MIPEP: variants seen among roughly 807,000 people sequenced by gnomAD.
The protein encoded by MIPEP is mitochondrial intermediate peptidase.
MIPEP carries 79 observed loss-of-function variants against 90.3 expected under a neutral mutation model. The observed-to-expected ratio is 0.87, with a 90% CI of 0.73 to 1.05. The LOEUF (loss-of-function observed/expected upper bound fraction) is 1.05. MIPEP is among the 50% of genes least tolerant of loss of function. The pLI is 0.00. For missense variants in MIPEP, 940 were observed against 905.6 expected (o/e 1.04, Z -0.49); for synonymous variants, 334 against 315.8 (o/e 1.06, Z -0.61).
intron 16 of MIPEP, among the ~76,000 whole-genome samples, chr13:23,768,265 A>G (rs1012911950): frequency 2.6e-5 from 4 of 152,182 alleles, no homozygotes; most frequent in Admixed American, 2.6e-4. Flanking sequence ...ACCAAAACTG[A>G]TGTCTATGCC....
rs1012969145 is a variant in MIPEP, at chr13:23,877,993, G to T, written c.539+1275C>A. ...CTATTGGCATTTTTAATAATATCTAGAAATGTGGTATGTATCCTATCACTA... is the reference window on the plus strand; with the variant it reads ...CTATTGGCATTTTTAATAATATCTATAAATGTGGTATGTATCCTATCACTA... On this transcript the variant is annotated intron_variant, in intron 4 of 18. Coordinates refer to ENST00000382172, the MANE Select transcript of MIPEP (RefSeq NM_005932.4). 5.7e-4 allele frequency among the ~76,000 whole-genome samples: 87 copies of T among 151,882 alleles called. 1 individual carries two copies. The highest frequency in any genetic ancestry group is 3.9e-4 in the Admixed American group (6 of 15,244).
At chr13:23,862,492 A>C in intron 8 of MIPEP, 130 bp from the exon 9 acceptor site, 2 of 576,856 alleles carry the variant, frequency 3.5e-6, no homozygotes, top group South Asian at 4.9e-5. Context: ...CACATAAATC[A>C]CTATTAATCC....
intron 17 of MIPEP, 128 bp from the exon 18 acceptor site, chr13:23,756,746 C>T (rs976672620): frequency 8.9e-5 from 74 of 827,008 alleles, no homozygotes; most frequent in Non-Finnish European, 1.3e-4. Flanking sequence ...CAATTTGGCC[C>T]CTATTTTCTT....
chr13:23,742,892 G>A (rs9510838), intron 18 of MIPEP, among the ~76,000 whole-genome samples: 4 of 152,150 alleles, frequency 2.6e-5, no homozygotes, highest in African/African-American at 7.2e-5. Flanking sequence ...CCACAGCATT[G>A]TAAGTGTAGG....
chr13:23,862,395 C>T, intron 8 of MIPEP, 33 bp from the exon 9 acceptor site: 1 of 1,277,508 alleles, frequency 7.8e-7, no homozygotes, highest in African/African-American at 1.5e-5. Context: ...CTTGTTAGGA[C>T]AAAATTTTAA....
At chr13:23,834,531 G>T (rs985529271) in intron 14 of MIPEP, among the ~76,000 whole-genome samples, 12 of 152,252 alleles carry the variant, frequency 7.9e-5, no homozygotes, top group African/African-American at 2.9e-4. Context: ...TTTCTTGGAT[G>T]CTGAGAATGC....
intron 10 of MIPEP, among the ~76,000 whole-genome samples, chr13:23,846,022 C>T (rs9553078): frequency 0.11 from 16,830 of 151,576 alleles, 1,030 homozygotes; most frequent in East Asian, 0.21. Context: ...TCAAGCGATT[C>T]TCCTGCCTCC....
intron 10 of MIPEP, among the ~76,000 whole-genome samples, chr13:23,847,838 T>C (rs755698544): frequency 6.6e-6 from 1 of 151,044 alleles, no homozygotes; most frequent in Non-Finnish European, 1.5e-5. Flanking sequence ...AGATCTATAG[T>C]GGTTTGAGAT....
intron 16 of MIPEP, among the ~76,000 whole-genome samples, chr13:23,793,728 C>A (rs1952925213): frequency 6.6e-6 from 1 of 151,656 alleles, no homozygotes; most frequent in African/African-American, 2.4e-5. Context: ...AAGGGAAGGA[C>A]CCCAGCCCTG....
At chr13:23,823,579 T>C (rs889023052) in intron 14 of MIPEP, among the ~76,000 whole-genome samples, 2 of 152,178 alleles carry the variant, frequency 1.3e-5, no homozygotes, top group East Asian at 3.9e-4. Context: ...CTATAATCCC[T>C]GCATTTTGGA....
At chr13:23,733,734 G>T (rs765534663) in intron 18 of MIPEP, among the ~76,000 whole-genome samples, 16 of 152,146 alleles carry the variant, frequency 1.1e-4, no homozygotes, top group Non-Finnish European at 1.5e-4. Context: ...TACCAATATT[G>T]TTACAGTTTC....
chr13:23,838,197 G>A (rs1181322210), intron 12 of MIPEP, among the ~76,000 whole-genome samples: 1 of 151,942 alleles, frequency 6.6e-6, no homozygotes, highest in African/African-American at 2.4e-5. Flanking sequence ...AGGCTGGAGT[G>A]CAGTGTTGTG....
At chr13:23,828,494 G>C (rs1186278454) in intron 14 of MIPEP, among the ~76,000 whole-genome samples, 1 of 152,156 alleles carries the variant, frequency 6.6e-6, no homozygotes, top group Non-Finnish European at 1.5e-5. Context: ...GTAAACAAGA[G>C]CACTATACAA....
intron 2 of MIPEP, among the ~76,000 whole-genome samples, chr13:23,882,331 C>A (rs1381666603): frequency 6.6e-6 from 1 of 152,056 alleles, no homozygotes; most frequent in Non-Finnish European, 1.5e-5. Context: ...TAACTTATCT[C>A]CAGAAAACAA....
intron 16 of MIPEP, among the ~76,000 whole-genome samples, chr13:23,790,634 C>A (rs921995679): frequency 2.0e-5 from 3 of 152,178 alleles, no homozygotes; most frequent in Non-Finnish European, 4.4e-5. Context: ...CAGCCTGTGG[C>A]CCGGAGCCAG....
At chr13:23,752,663 A>C (rs574172457) in intron 18 of MIPEP, among the ~76,000 whole-genome samples, 124 of 152,360 alleles carry the variant, frequency 8.1e-4, no homozygotes, top group African/African-American at 2.9e-3. Context: ...TGAGATGAAC[A>C]GCAGAAAACC....
intron 5 of MIPEP, among the ~76,000 whole-genome samples, chr13:23,870,791 G>A (rs2137519082): frequency 6.6e-6 from 1 of 152,132 alleles, no homozygotes; most frequent in Non-Finnish European, 1.5e-5. Context: ...TGAGACAGAG[G>A]GAGACTCTGT....
At position 23,870,401 on chromosome 13, in the gene MIPEP, CA is replaced by C. The variant is rs1455206358; in HGVS notation, c.604-207del. 1.8e-4 allele frequency among the ~76,000 whole-genome samples: 28 copies of C among 151,832 alleles called. No homozygotes were observed. In the South Asian group the frequency reaches 5.8e-3, roughly 32 times the overall value. On this transcript the variant is annotated intron_variant, in intron 5 of 18. Transcript: ENST00000382172. Reference sequence around the variant, plus strand: ...TTTTAACAGATATTTAATATTCTAACAAAAAGATCATACTTATGGTTTTCTG... The same window carrying C: ...TTTTAACAGATATTTAATATTCTAACAAAAGATCATACTTATGGTTTTCTG...
chr13:23,814,868 C>T (rs377574148), intron 14 of MIPEP, among the ~76,000 whole-genome samples: 1 of 152,204 alleles, frequency 6.6e-6, no homozygotes, highest in African/African-American at 2.4e-5. Context: ...TATGATTGCG[C>T]TTCACTGTAG....
Sources: allele counts gnomAD v4.1 joint callset (sites outside exome capture counted in the v4.1 genomes callset), GRCh38; gene constraint gnomAD v4.1.1; transcripts MANE v1.5; gene names NCBI Gene and HGNC (gene_info 2026-07-23, HGNC 2026-07-21).